The following XDH variants were observed in gnomAD, a reference collection of about 807,000 sequenced individuals.
The protein encoded by XDH is xanthine dehydrogenase/oxidase.
In XDH, 138 loss-of-function variants were observed where a neutral mutation model predicts 156.1. That is an observed-to-expected ratio of 0.88 (90% CI 0.77 to 1.02). XDH has a LOEUF of 1.02. Among genes scored for constraint, XDH ranks in the 50% least tolerant of loss-of-function variants. The probability of loss-of-function intolerance (pLI) is 0.00; values close to 1 mark genes in which losing one functional copy is unlikely to be tolerated. For missense variants in XDH, 1,849 were observed against 1,684.9 expected, an observed-to-expected ratio of 1.10 and a Z score of -1.71; for synonymous variants, 669 against 625.7, an observed-to-expected ratio of 1.07 and a Z score of -1.03.
At chr2:31,408,319 C>T (rs1687247362) in intron 1 of XDH, among the ~76,000 whole-genome samples, 1 of 152,182 alleles carries the variant, frequency 6.6e-6, no homozygotes, top group Non-Finnish European at 1.5e-5. Flanking sequence ...ACTCCAGCCA[C>T]AAGTGGATTG....
intron 5 of XDH, among the ~76,000 whole-genome samples, chr2:31,398,289 C>A (rs1356795270): frequency 5.3e-5 from 8 of 152,172 alleles, no homozygotes. Flanking sequence ...CCTGCACCAG[C>A]CATGCACTGC....
At position 31,406,164 on chromosome 2, in the gene XDH, A is replaced by C. The variant is rs206803; in HGVS notation, c.43-200T>G. On this transcript the variant is annotated intron_variant, in intron 1 of 35. Transcript: ENST00000379416. ...GTGGGGCCTAGTGGGAAGCAATATG[A>C]TCATGGGGGCAGATTTCTCATGAAT... Among the ~76,000 whole-genome samples, 26,322 of 152,100 alleles carry C rather than the reference A, an allele frequency of 0.17. 2,540 individuals carry two copies. The highest frequency in any genetic ancestry group is 0.24 in the African/African-American group (9,860 of 41,446).
chr2:31,404,524 T>C (rs889208288), intron 2 of XDH, among the ~76,000 whole-genome samples: 2 of 152,228 alleles, frequency 1.3e-5, no homozygotes, highest in African/African-American at 4.8e-5. Flanking sequence ...TCATTTAAGA[T>C]GTGACACAGC....
chr2:31,403,619 C>A (rs961207581), intron 2 of XDH, among the ~76,000 whole-genome samples: 2 of 152,128 alleles, frequency 1.3e-5, no homozygotes, highest in Non-Finnish European at 2.9e-5. Flanking sequence ...ACTTTTTGGG[C>A]TGATAAGTCC....
At chr2:31,341,254 G>T in intron 33 of XDH, 75 bp downstream of exon 33, 1 of 1,371,272 alleles carries the variant, frequency 7.3e-7, no homozygotes, top group African/African-American at 1.4e-5. Flanking sequence ...ACATGTTGTG[G>T]CAGGTGGCCC....
At chr2:31,410,755 C>T (rs1374869638) in intron 1 of XDH, among the ~76,000 whole-genome samples, 1 of 152,084 alleles carries the variant, frequency 6.6e-6, no homozygotes, top group Non-Finnish European at 1.5e-5. Flanking sequence ...AAAAAACTGG[C>T]CTGTTCTTTT....
intron 1 of XDH, among the ~76,000 whole-genome samples, chr2:31,409,420 C>G (rs2148013322): frequency 6.6e-6 from 1 of 152,194 alleles, no homozygotes; most frequent in Non-Finnish European, 1.5e-5. Context: ...TGTAGATCTA[C>G]TATGTACCCC....
chr2:31,409,539 C>A (rs1279835810), intron 1 of XDH, among the ~76,000 whole-genome samples: 1 of 152,070 alleles, frequency 6.6e-6, no homozygotes, highest in African/African-American at 2.4e-5. Flanking sequence ...AAGTGTAATA[C>A]AGAACTCCTA....
intron 24 of XDH, among the ~76,000 whole-genome samples, chr2:31,359,776 T>C (rs541980884): frequency 3.0e-4 from 46 of 152,262 alleles, no homozygotes; most frequent in African/African-American, 1.1e-3. Context: ...AATTAATCAA[T>C]ATTCGGATTA....
chr2:31,404,958 C>T (rs1687156591), intron 2 of XDH, among the ~76,000 whole-genome samples: 1 of 152,186 alleles, frequency 6.6e-6, no homozygotes. Flanking sequence ...ACTAGACACC[C>T]CCGCTAGGAG....
chr2:31,372,930 T>C (rs1686117815), intron 16 of XDH, among the ~76,000 whole-genome samples: 1 of 152,208 alleles, frequency 6.6e-6, no homozygotes, highest in Admixed American at 6.5e-5. Context: ...TTTATTTTCT[T>C]CTTTATGCTT....
chr2:31,357,835 T>C (rs1290308042), intron 24 of XDH, among the ~76,000 whole-genome samples: 1 of 152,096 alleles, frequency 6.6e-6, no homozygotes, highest in African/African-American at 2.4e-5. Context: ...TATAAATATA[T>C]ACAACTACTA....
At chr2:31,377,559 G>C (rs1039911672) in intron 13 of XDH, among the ~76,000 whole-genome samples, 1 of 152,062 alleles carries the variant, frequency 6.6e-6, no homozygotes, top group African/African-American at 2.4e-5. Flanking sequence ...TTTCACAAAG[G>C]CTCCTTAGAG....
chr2:31,340,662 G>A (rs1010671903), intron 33 of XDH, among the ~76,000 whole-genome samples: 32 of 152,016 alleles, frequency 2.1e-4, no homozygotes, highest in African/African-American at 7.5e-4. Flanking sequence ...TAGAGACGGA[G>A]TTTCGCCATG....
chr2:31,360,701 G>A (rs1296670600), intron 24 of XDH, among the ~76,000 whole-genome samples: 1 of 152,158 alleles, frequency 6.6e-6, no homozygotes, highest in Admixed American at 6.5e-5. Context: ...AGTACTATCT[G>A]AGGTTTCAGG....
At chr2:31,382,893 G>A in intron 11 of XDH, 108 bp downstream of exon 11, 1 of 1,527,928 alleles carries the variant, frequency 6.5e-7, no homozygotes, top group Non-Finnish European at 9.0e-7. Flanking sequence ...GCAACTCTAA[G>A]CGCTAAAGTT....
At chr2:31,377,845 C>A (rs1686287049) in intron 13 of XDH, among the ~76,000 whole-genome samples, 1 of 150,138 alleles carries the variant, frequency 6.7e-6, no homozygotes, top group African/African-American at 2.5e-5. Flanking sequence ...CATAGTGAGG[C>A]CCTATCTCTA....
Position 31,339,635 on chromosome 2 carries a change from C to G in XDH, c.3628G>C (p.Glu1210Gln). 1 of 1,614,176 alleles carries G rather than the reference C, an allele frequency of 6.2e-7. No homozygotes were observed. The highest frequency in any genetic ancestry group is 8.5e-7 in the Non-Finnish European group (1 of 1,180,034). Residue 1210 changes from glutamate to glutamine, a missense_variant, in exon 34 of 36, where the codon GAG becomes CAG. Coordinates refer to ENST00000379416, the MANE Select transcript of XDH (RefSeq NM_000379.4). ...FVQGLGLFTL[E>Q]ELHYSPEGSL... ...CCCTCGGGGGAATAGTGTAGCTCCT[C>G]TAGGGTGAAGAGGCCAAGGCCCTGG...
intron 9 of XDH, among the ~76,000 whole-genome samples, chr2:31,386,206 G>C (rs1041581733): frequency 6.6e-6 from 1 of 152,218 alleles, no homozygotes; most frequent in Non-Finnish European, 1.5e-5. Context: ...CCAGCAAGGG[G>C]CTGAGCCAGG....
Sources: allele counts gnomAD v4.1 joint callset (sites outside exome capture counted in the v4.1 genomes callset), GRCh38; gene constraint gnomAD v4.1.1; transcripts MANE v1.5; gene names NCBI Gene and HGNC (gene_info 2026-07-23, HGNC 2026-07-21).